The following INTS2 variants were observed in gnomAD, a reference collection of about 807,000 sequenced individuals.
The protein encoded by INTS2 is KIAA1287.
INTS2 carries 57 observed loss-of-function variants against 139.6 expected under a neutral mutation model. The ratio of observed to expected loss-of-function variants is 0.41; its 90% CI spans 0.33 to 0.51. The LOEUF is 0.51. INTS2 is among the 20% of genes least tolerant of loss of function. The pLI, the probability that INTS2 is intolerant of heterozygous loss-of-function variation, is 0.28. For synonymous variants in INTS2, 473 were observed against 493.4 expected (o/e 0.96, Z 0.55); for missense variants, 1,196 against 1,436.7 (o/e 0.83, Z 2.71).
intron 9 of INTS2, among the ~76,000 whole-genome samples, chr17:61,903,275 C>T (rs1603379446): frequency 6.7e-6 from 1 of 149,140 alleles, no homozygotes; most frequent in Non-Finnish European, 1.5e-5. Flanking sequence ...CAGCTGGCCT[C>T]GAACTCATAG....
At chr17:61,911,744 C>T in intron 6 of INTS2, 51 bp from the exon 7 acceptor site, 2 of 1,549,330 alleles carry the variant, frequency 1.3e-6, no homozygotes, top group East Asian at 2.3e-5. Context: ...GCAAAAAGGC[C>T]AGTGATGCTT....
In INTS2 at chr17:61,875,865, CTTAGAA is replaced by C. The variant is rs2145905664; in HGVS notation, c.2457-833_2457-828del. Among the ~76,000 whole-genome samples the C allele has an allele frequency of 6.6e-6, 1 of 152,138 alleles. No homozygotes were observed. Among genetic ancestry groups the C allele is most frequent in the South Asian group, 2.1e-4 (1 of 4,810 alleles). On this transcript the variant is annotated intron_variant, in intron 18 of 24. Transcript: ENST00000251334. The surrounding 1 kb of genome is among the most constrained non-coding windows in gnomAD (Gnocchi z 4.6). ...AAGAATATTCAGATAACAAAGAGCT[CTTAGAA>C]TTAAGAAGAACAGGGCCTGACACAG...
intron 6 of INTS2, 121 bp from the exon 7 acceptor site, chr17:61,911,814 G>A (rs2079529493): frequency 1.4e-6 from 2 of 1,414,528 alleles, no homozygotes; most frequent in Non-Finnish European, 9.6e-7. Context: ...AAAACCCAGA[G>A]AGGAAGGTAA....
chr17:61,901,175 G>C (rs940600217), intron 9 of INTS2, among the ~76,000 whole-genome samples: 5 of 151,908 alleles, frequency 3.3e-5, no homozygotes, highest in Non-Finnish European at 5.9e-5. Context: ...AGGCTGAGGT[G>C]GAAGGATCTG....
rs201287879 is a variant in INTS2, at chr17:61,925,044, C to T, written c.349G>A (p.Gly117Arg). Residue 117 changes from glycine to arginine, a missense_variant, in exon 3 of 25, where the codon GGA becomes AGA. Physicochemically the swap from Gly to Arg is moderately radical, Grantham distance 125 (BLOSUM62 -2). Transcript: ENST00000251334. ...CTGTGTTCAAACTCTAACGTCAGTCCATGCTGAAGCTGTGATACCAGGATG... is the reference window on the plus strand; with the variant it reads ...CTGTGTTCAAACTCTAACGTCAGTCTATGCTGAAGCTGTGATACCAGGATG... ...ESILVSQLQH[G>R]LTLEFEHSDS... The T allele has an allele frequency of 6.2e-7, 1 of 1,613,792 alleles. No individual in the cohort carries two copies. Among genetic ancestry groups the T allele is most frequent in the Admixed American group, 1.7e-5 (1 of 59,994 alleles).
chr17:61,889,339 G>A (rs774407557), intron 15 of INTS2, among the ~76,000 whole-genome samples: 2 of 152,028 alleles, frequency 1.3e-5, no homozygotes, highest in Admixed American at 6.6e-5. Context: ...CGCCCACCTC[G>A]GCCTCCCGAA....
intron 6 of INTS2, 38 bp from the exon 7 acceptor site, chr17:61,911,731 T>G: frequency 6.3e-7 from 1 of 1,583,958 alleles, no homozygotes; most frequent in South Asian, 1.1e-5. Flanking sequence ...TTCAGTATCA[T>G]AAGCAAAAAG....
chr17:61,911,651 A>G lies in INTS2; in HGVS notation c.823T>C (p.Leu275=), dbSNP rs368150072. ...CAAGCTTCATTTTTAGTATGATCCAATGTCAAAGCCACACCAAGGCCTGGC... is the reference window on the plus strand; with the variant it reads ...CAAGCTTCATTTTTAGTATGATCCAGTGTCAAAGCCACACCAAGGCCTGGC... ...HLPGLGVALT[L]DHTKNEACED... The change falls in exon 7 of 25, where the codon TTG becomes CTG. Residue 275 remains leucine (L), a synonymous_variant. Coordinates refer to ENST00000251334, the MANE Select transcript of INTS2 (RefSeq NM_001351695.2). The G allele has an allele frequency of 6.2e-7, 1 of 1,613,880 alleles. No homozygotes were observed. The highest frequency in any genetic ancestry group is 1.3e-5 in the African/African-American group (1 of 75,054).
intron 15 of INTS2, among the ~76,000 whole-genome samples, chr17:61,886,207 C>T (rs748856234): frequency 5.9e-5 from 9 of 152,230 alleles, no homozygotes; most frequent in East Asian, 1.9e-4. Context: ...CCCGCCACCA[C>T]GCCTAGCTAA....
intron 16 of INTS2, among the ~76,000 whole-genome samples, chr17:61,881,813 T>G (rs1476717140): frequency 1.3e-5 from 2 of 152,182 alleles, no homozygotes; most frequent in Non-Finnish European, 2.9e-5. Context: ...CCTGAAGTAA[T>G]GTGATAAACA....
chr17:61,866,931 T>C lies in INTS2; in HGVS notation c.*626A>G, dbSNP rs914159062. On this transcript the variant is annotated 3_prime_UTR_variant, in exon 25 of 25. Transcript: ENST00000251334. ...TAAAAATTGAAGCAAATATGTGAAA[T>C]CTTTAAATCCTCATCTGTATTTCCA... The C allele has an allele frequency of 6.6e-6, 1 of 152,208 alleles. No homozygotes were observed. The highest frequency in any genetic ancestry group is 1.5e-5 in the Non-Finnish European group (1 of 68,030). 9.4% of individuals were successfully genotyped at this position (152,208 alleles called of 1,614,324 possible).
At chr17:61,902,463 ACATAC>A (rs2079416157) in intron 9 of INTS2, among the ~76,000 whole-genome samples, 4 of 152,264 alleles carry the variant, frequency 2.6e-5, no homozygotes, top group African/African-American at 9.6e-5. Context: ...GATGTAATAT[ACATAC>A]CATAAGATTT....
chr17:61,898,444 G>A (rs929851472), intron 9 of INTS2, among the ~76,000 whole-genome samples: 5 of 151,968 alleles, frequency 3.3e-5, no homozygotes, highest in East Asian at 3.9e-4. Context: ...ACAGGCATGC[G>A]CTACTGCATC....
chr17:61,869,915 G>C lies in INTS2; in HGVS notation c.2852C>G (p.Pro951Arg). 1 of 1,613,802 alleles carries C rather than the reference G, an allele frequency of 6.2e-7. No individual in the cohort carries two copies. Among genetic ancestry groups the C allele is most frequent in the East Asian group, 2.2e-5 (1 of 44,874 alleles). The change falls in exon 21 of 25, where the codon CCA (proline) becomes CGA (arginine). Residue 951 changes from proline to arginine, a missense_variant. Coordinates refer to ENST00000251334, the MANE Select transcript of INTS2 (RefSeq NM_001351695.2). The surrounding 1 kb of genome is among the most constrained non-coding windows in gnomAD (Gnocchi z 5.4). Reference protein sequence around the residue: ...TEEEKANGVNPDSLLRNVQSV... With the variant: ...TEEEKANGVNRDSLLRNVQSV... ...TTGAACATTTCTTAACAAGCTATCT[G>C]GATTGACACCATTTGCTTTCTCCTC... is the stretch of plus-strand genomic sequence containing the variant.
chr17:61,868,736 G>A lies in INTS2; in HGVS notation c.3244+298C>T, dbSNP rs1277962588. ...ACAATTACATTCTGAAAGTGTATTT[G>A]TTTTCCATTTATAAAATACAGAAAG... is the stretch of plus-strand genomic sequence containing the variant. On this transcript the variant is annotated intron_variant, in intron 23 of 24. Transcript: ENST00000251334. The surrounding 1 kb of genome is among the most constrained non-coding windows in gnomAD (Gnocchi z 4.7). 6.6e-6 allele frequency among the ~76,000 whole-genome samples: 1 copy of A among 152,000 alleles called. No homozygotes were observed. Among genetic ancestry groups the A allele is most frequent in the Non-Finnish European group, 1.5e-5 (1 of 67,954 alleles).
chr17:61,904,614 C>T (rs777983531), intron 8 of INTS2, 29 bp from the exon 9 acceptor site: 2 of 1,549,136 alleles, frequency 1.3e-6, no homozygotes, highest in South Asian at 1.2e-5. Context: ...TTAGGCTTTA[C>T]ATTTTTAGTT....
intron 9 of INTS2, among the ~76,000 whole-genome samples, chr17:61,899,616 A>G (rs2047908536): frequency 6.6e-6 from 1 of 152,014 alleles, no homozygotes; most frequent in African/African-American, 2.4e-5. Context: ...ATATAGACAA[A>G]AATACCTTAT....
chr17:61,885,103 T>A (rs1426278304), intron 15 of INTS2, 98 bp from the exon 16 acceptor site: 6 of 774,768 alleles, frequency 7.7e-6, no homozygotes, highest in Non-Finnish European at 1.3e-5. Flanking sequence ...GTCAAATTAC[T>A]TTTAATGCAA....
chr17:61,892,362 T>G (rs2079303556), intron 13 of INTS2, among the ~76,000 whole-genome samples: 1 of 152,216 alleles, frequency 6.6e-6, no homozygotes, highest in Non-Finnish European at 1.5e-5. Context: ...CTTAATACCT[T>G]CTCTTTAGAG....
Sources: allele counts gnomAD v4.1 joint callset (sites outside exome capture counted in the v4.1 genomes callset), GRCh38; gene constraint gnomAD v4.1.1; non-coding constraint Gnocchi (gnomAD v3.1); transcripts MANE v1.5; gene names NCBI Gene and HGNC (gene_info 2026-07-23, HGNC 2026-07-21).